WDR70: variants seen among roughly 807,000 people sequenced by gnomAD.
WDR70 encodes the protein WD repeat-containing protein 70.
A neutral mutation model predicts 88.6 loss-of-function variants in WDR70; 53 were observed. That is an observed-to-expected ratio of 0.60 (90% CI 0.48 to 0.75). The LOEUF (loss-of-function observed/expected upper bound fraction) is 0.75. Among genes scored for constraint, WDR70 ranks in the 30% least tolerant of loss-of-function variants. The pLI, the probability that WDR70 is intolerant of heterozygous loss-of-function variation, is 0.00. For synonymous variants in WDR70, 280 were observed against 270.0 expected, an observed-to-expected ratio of 1.04 and a Z score of -0.36; for missense variants, 610 against 823.2, an observed-to-expected ratio of 0.74 and a Z score of 3.17.
chr5:37,503,071 G>A lies in WDR70; in HGVS notation c.841-13443G>A, dbSNP rs548317094. On this transcript the variant is annotated intron_variant, in intron 8 of 17. Transcript: ENST00000265107. ...CTTTATCATGGTCAGTTATCTTTTT[G>A]ATGGGCTGCTGGATTACGTTTGTTA... Among the ~76,000 whole-genome samples the A allele has an allele frequency of 7.2e-5, 11 of 152,230 alleles. No homozygotes were observed. In the South Asian group the frequency reaches 2.3e-3, roughly 32 times the overall value.
intron 10 of WDR70, among the ~76,000 whole-genome samples, chr5:37,609,425 GA>G (rs1276347134): frequency 2.0e-5 from 3 of 152,072 alleles, no homozygotes; most frequent in Admixed American, 2.0e-4. Context: ...TATCTATCAG[GA>G]ATCTACAATA....
At chr5:37,699,975 C>A (rs1330246909) in intron 11 of WDR70, among the ~76,000 whole-genome samples, 157 of 143,810 alleles carry the variant, frequency 1.1e-3, no homozygotes, top group African/African-American at 3.4e-3. Flanking sequence ...AAAACAAAAA[C>A]AAAAAAAAAA....
intron 7 of WDR70, among the ~76,000 whole-genome samples, chr5:37,450,962 G>A (rs1196100880): frequency 6.6e-6 from 1 of 152,106 alleles, no homozygotes; most frequent in African/African-American, 2.4e-5. Context: ...GCAATGGCGT[G>A]ATCTCGGCTC....
At chr5:37,531,752 C>T (rs750791789) in intron 9 of WDR70, among the ~76,000 whole-genome samples, 13 of 151,744 alleles carry the variant, frequency 8.6e-5, no homozygotes, top group Non-Finnish European at 1.2e-4. Context: ...AGGCCATTTA[C>T]GTTCAATGTT....
chr5:37,402,009 A>G lies in WDR70; in HGVS notation c.492+5439A>G, dbSNP rs147054385. 3.6e-3 allele frequency among the ~76,000 whole-genome samples: 552 copies of G among 152,308 alleles called. 3 individuals are homozygous for G. The highest frequency in any genetic ancestry group is 0.01 in the Middle Eastern group (3 of 294). ...TTAACTATAGTTACTTTACAATGCT[A>G]TAGAACACTAGAACTTATTCTTTCT... is the stretch of plus-strand genomic sequence containing the variant. On this transcript the variant is annotated intron_variant, in intron 5 of 17. Coordinates refer to ENST00000265107, the MANE Select transcript of WDR70 (RefSeq NM_018034.4).
intron 7 of WDR70, among the ~76,000 whole-genome samples, chr5:37,449,950 A>G (rs1738625731): frequency 6.6e-6 from 1 of 151,852 alleles, no homozygotes; most frequent in Non-Finnish European, 1.5e-5. Context: ...CCTTGTGTCC[A>G]TGTGTTCTCA....
intron 9 of WDR70, among the ~76,000 whole-genome samples, chr5:37,583,094 C>T (rs771566864): frequency 1.7e-4 from 26 of 152,094 alleles, no homozygotes; most frequent in Admixed American, 6.6e-4. Flanking sequence ...GCAGTTCTTC[C>T]GCCCGTACAC....
At chr5:37,712,931 A>G (rs561988230) in intron 13 of WDR70, among the ~76,000 whole-genome samples, 27 of 152,050 alleles carry the variant, frequency 1.8e-4, no homozygotes, top group African/African-American at 4.8e-4. Context: ...CCAACCCCCA[A>G]TCTCAGGTGA....
intron 9 of WDR70, among the ~76,000 whole-genome samples, chr5:37,542,438 C>T (rs1429076668): frequency 6.6e-6 from 1 of 151,898 alleles, no homozygotes; most frequent in Non-Finnish European, 1.5e-5. Flanking sequence ...CACCACCATG[C>T]CCGGCTAATT....
At chr5:37,461,119 A>AAAAT (rs1738989378) in intron 7 of WDR70, among the ~76,000 whole-genome samples, 1 of 146,362 alleles carries the variant, frequency 6.8e-6, no homozygotes. Flanking sequence ...AAAAAAAAAA[A>AAAAT]AAAAAATAAA....
chr5:37,659,849 C>T (rs895972617), intron 10 of WDR70, among the ~76,000 whole-genome samples: 1 of 152,150 alleles, frequency 6.6e-6, no homozygotes, highest in Non-Finnish European at 1.5e-5. Flanking sequence ...ACCTAATTAC[C>T]TCCAAAAGGC....
At chr5:37,600,649 C>T (rs764232837) in intron 9 of WDR70, among the ~76,000 whole-genome samples, 6 of 151,838 alleles carry the variant, frequency 4.0e-5, no homozygotes, top group South Asian at 2.1e-4. Context: ...AATAAGCACA[C>T]GAAAAGATGC....
intron 7 of WDR70, among the ~76,000 whole-genome samples, chr5:37,456,193 G>A (rs34555613): frequency 0.26 from 39,621 of 152,068 alleles, 5,777 homozygotes; most frequent in East Asian, 0.48. Flanking sequence ...TAAAAATGCC[G>A]TATCATTTTG....
chr5:37,666,277 T>G (rs903636452), intron 10 of WDR70, among the ~76,000 whole-genome samples: 15 of 152,202 alleles, frequency 9.9e-5, no homozygotes, highest in Admixed American at 4.6e-4. Context: ...CCAACTCCTG[T>G]TACCCCAGAC....
intron 10 of WDR70, among the ~76,000 whole-genome samples, chr5:37,667,443 C>G (rs1048309127): frequency 2.0e-5 from 3 of 152,174 alleles, no homozygotes; most frequent in African/African-American, 7.2e-5. Context: ...ATTATTTCCA[C>G]CACCATTAAT....
At chr5:37,742,388 G>T (rs922246515) in intron 17 of WDR70, among the ~76,000 whole-genome samples, 1 of 149,286 alleles carries the variant, frequency 6.7e-6, no homozygotes, top group Non-Finnish European at 1.5e-5. Context: ...CTGGCTATTT[G>T]TATATCTTTG....
At chr5:37,496,134 C>T (rs1388783468) in intron 8 of WDR70, among the ~76,000 whole-genome samples, 1 of 152,128 alleles carries the variant, frequency 6.6e-6, no homozygotes, top group African/African-American at 2.4e-5. Context: ...TTTAAATGCA[C>T]CAATCAGCAC....
In WDR70 at chr5:37,752,673, C is replaced by T; in HGVS notation, c.*100C>T. The T allele has an allele frequency of 1.1e-6, 1 of 890,912 alleles. No homozygotes were observed. Among genetic ancestry groups the T allele is most frequent in the Non-Finnish European group, 1.7e-6 (1 of 574,312 alleles). The allele number at this position is 890,912 out of a possible 1,614,324, so 55.2% of individuals were successfully genotyped here. A position where few individuals can be genotyped will look rare whatever the true frequency, so the allele number is the denominator to read the frequency against. On this transcript the variant is annotated 3_prime_UTR_variant, in exon 18 of 18. Coordinates refer to ENST00000265107, the MANE Select transcript of WDR70 (RefSeq NM_018034.4). ...GAAATTAAAAATTCATTTTTATGAA[C>T]AGGTTTTGTCCTTTGCATTATTGAA...
At chr5:37,483,712 G>C (rs76748238) in intron 8 of WDR70, among the ~76,000 whole-genome samples, 1 of 148,340 alleles carries the variant, frequency 6.7e-6, no homozygotes, top group South Asian at 2.1e-4. Flanking sequence ...CAGACGGGGC[G>C]GTGGCCTGGA....
Sources: gnomAD v4.1 joint callset for allele counts (sites outside exome capture counted in the v4.1 genomes callset) on GRCh38, gnomAD v4.1.1 for gene constraint, MANE v1.5 for transcripts, NCBI Gene and HGNC (gene_info 2026-07-23, HGNC 2026-07-21) for gene names.